Variants in CSMD2 observed in about 807,000 individuals in gnomAD.
CSMD2 encodes the protein CUB and Sushi multiple domains 2, also known as CUB and sushi domain-containing protein 2.
CSMD2 carries 130 observed loss-of-function variants against 398.5 expected under a neutral mutation model. That is an observed-to-expected ratio of 0.33 (90% CI 0.28 to 0.38). The LOEUF is 0.38. Ranked by LOEUF, CSMD2 falls within the 10% of genes least tolerant of loss-of-function variation. The pLI is 1.00. For synonymous variants in CSMD2, 1,828 were observed against 1,908.5 expected, an observed-to-expected ratio of 0.96 and a Z score of 1.10; for missense variants, 3,829 against 4,764.9, an observed-to-expected ratio of 0.80 and a Z score of 5.78.
At chr1:33,912,653 T>C (rs1558092784) in intron 5 of CSMD2, among the ~76,000 whole-genome samples, 2 of 152,076 alleles carry the variant, frequency 1.3e-5, no homozygotes, top group African/African-American at 4.8e-5. Flanking sequence ...AGTTGTCTCC[T>C]GAATGCCTTC....
intron 2 of CSMD2, among the ~76,000 whole-genome samples, chr1:34,084,047 A>G (rs1657572596): frequency 6.6e-6 from 1 of 152,142 alleles, no homozygotes; most frequent in Non-Finnish European, 1.5e-5. Flanking sequence ...TGTGAAATGA[A>G]TTAGAATAAG....
At chr1:33,881,944 T>C (rs746209490) in intron 5 of CSMD2, among the ~76,000 whole-genome samples, 1 of 152,234 alleles carries the variant, frequency 6.6e-6, no homozygotes. Context: ...TGCCAGTTTA[T>C]GGAACCATTA....
intron 1 of CSMD2, among the ~76,000 whole-genome samples, chr1:34,161,720 TAGAGA>T (rs966772134): frequency 2.0e-5 from 3 of 152,092 alleles, no homozygotes; most frequent in African/African-American, 7.2e-5. Flanking sequence ...TGACGGGTAG[TAGAGA>T]AAACTGACAT....
At chr1:33,675,945 G>A (rs917411133) in intron 25 of CSMD2, among the ~76,000 whole-genome samples, 1 of 152,196 alleles carries the variant, frequency 6.6e-6, no homozygotes, top group African/African-American at 2.4e-5. Flanking sequence ...ATTAGGTATT[G>A]ATGGGACGTA....
In CSMD2 at chr1:33,555,789, C is replaced by A. The variant is rs77189543; in HGVS notation, c.8743+1945G>T. Among the ~76,000 whole-genome samples, 858 of 152,268 alleles carry A rather than the reference C, an allele frequency of 5.6e-3. 44 individuals are homozygous for A. The East Asian group carries it at 0.11, about 19-fold the overall frequency. The stretch of plus-strand genomic sequence containing the variant: ...TATTTTTTGACATGATACTACTGCA[C>A]ACTTAGATTATACTGGAAAACTAAA... On this transcript the variant is annotated intron_variant, in intron 55 of 70. Coordinates refer to ENST00000373381, the MANE Select transcript of CSMD2 (RefSeq NM_001281956.2).
chr1:33,534,479 G>A (rs1655572449), intron 62 of CSMD2, among the ~76,000 whole-genome samples: 1 of 152,108 alleles, frequency 6.6e-6, no homozygotes, highest in East Asian at 1.9e-4. Context: ...CTCCCTCCCT[G>A]CTCTGCTCAG....
intron 12 of CSMD2, among the ~76,000 whole-genome samples, chr1:33,778,299 A>C (rs1239316303): frequency 6.6e-6 from 1 of 152,116 alleles, no homozygotes; most frequent in Non-Finnish European, 1.5e-5. Flanking sequence ...GGGCTCGAGC[A>C]ATCCTCCCAT....
chr1:33,987,566 C>T (rs1361968543), intron 3 of CSMD2, among the ~76,000 whole-genome samples: 2 of 152,162 alleles, frequency 1.3e-5, no homozygotes, highest in Admixed American at 1.3e-4. Flanking sequence ...TGTTTAGATA[C>T]CTCCCAGGAG....
In CSMD2 at chr1:33,537,668, G is replaced by T; in HGVS notation, c.9632-59C>A. ...TTGCTTTCCAGAACCCAATCTTCCAGTCCCACACCCCCATCTTTGTTCTTT... is the reference window on the plus strand; with the variant it reads ...TTGCTTTCCAGAACCCAATCTTCCATTCCCACACCCCCATCTTTGTTCTTT... On this transcript the variant is annotated intron_variant, in intron 60 of 70. Coordinates refer to ENST00000373381, the MANE Select transcript of CSMD2 (RefSeq NM_001281956.2). This position sits in a 1 kb window ranked among gnomAD's most constrained non-coding sequence, Gnocchi z 4.6. 1 of 1,512,714 alleles carries T rather than the reference G, an allele frequency of 6.6e-7. No individual in the cohort carries two copies. The highest frequency in any genetic ancestry group is 8.9e-7 in the Non-Finnish European group (1 of 1,117,472). The allele number at this position is 1,512,714 out of a possible 1,614,324, so 93.7% of individuals were successfully genotyped here.
At chr1:33,665,327 T>C (rs576682072) in intron 25 of CSMD2, among the ~76,000 whole-genome samples, 1 of 152,288 alleles carries the variant, frequency 6.6e-6, no homozygotes, top group African/African-American at 2.4e-5. Context: ...ACGTTAATAT[T>C]TTCCTTTAAG....
intron 25 of CSMD2, among the ~76,000 whole-genome samples, chr1:33,677,233 G>T (rs1451338969): frequency 1.3e-5 from 2 of 152,110 alleles, no homozygotes; most frequent in Non-Finnish European, 2.9e-5. Context: ...CTAACATCCA[G>T]AATCTACAGT....
At chr1:33,707,743 A>ACC (rs1350766812) in intron 22 of CSMD2, among the ~76,000 whole-genome samples, 1 of 144,562 alleles carries the variant, frequency 6.9e-6, no homozygotes, top group African/African-American at 2.5e-5. Context: ...ACACACACAC[A>ACC]CCATACACCC....
chr1:33,887,402 CAG>C (rs1641674967), intron 5 of CSMD2, among the ~76,000 whole-genome samples: 1 of 152,180 alleles, frequency 6.6e-6, no homozygotes, highest in Non-Finnish European at 1.5e-5. Context: ...TTTATAATAA[CAG>C]AGAAAATGCT....
At chr1:34,100,618 G>A (rs1365405138) in intron 1 of CSMD2, among the ~76,000 whole-genome samples, 4 of 152,084 alleles carry the variant, frequency 2.6e-5, no homozygotes, top group South Asian at 2.1e-4. Context: ...ACATTATAAC[G>A]TGAGCATTCC....
intron 29 of CSMD2, among the ~76,000 whole-genome samples, chr1:33,637,865 C>G (rs1172678503): frequency 6.6e-6 from 1 of 152,126 alleles, no homozygotes; most frequent in Non-Finnish European, 1.5e-5. Flanking sequence ...GTTCATTCAT[C>G]AGAGATGAAT....
chr1:33,524,969 T>C lies in CSMD2; in HGVS notation c.10309A>G (p.Met3437Val), dbSNP rs1355613616. ...ACTTGGAAGCCAGTCACTCTGAGCA[T>C]GGCTGGCTGCTTCTTCCCCTGGTAT... Reference protein sequence around the residue: ...YEYQGKKQPAMLRVTGFQVAN... With the variant: ...YEYQGKKQPAVLRVTGFQVAN... Residue 3437 changes from methionine to valine, a missense_variant, in exon 66 of 71, where the codon ATG becomes GTG. Met to Val is a conservative substitution (Grantham distance 21). Transcript: ENST00000373381. 2.5e-6 allele frequency: 4 copies of C among 1,614,132 alleles called. No homozygotes were observed. The highest frequency in any genetic ancestry group is 3.4e-6 in the Non-Finnish European group (4 of 1,180,036).
In CSMD2 at chr1:33,837,006, A is replaced by G. The variant is rs547899916; in HGVS notation, c.1033+9878T>C. ...GTTCCTATTCGGCCATCTTGGCTCCACCTCCAGAATATTAGCATTAAGACA... is the reference window on the plus strand; with the variant it reads ...GTTCCTATTCGGCCATCTTGGCTCCGCCTCCAGAATATTAGCATTAAGACA... On this transcript the variant is annotated intron_variant, in intron 6 of 70. Coordinates refer to ENST00000373381, the MANE Select transcript of CSMD2 (RefSeq NM_001281956.2). Among the ~76,000 whole-genome samples, 3 of 152,084 alleles carry G rather than the reference A, an allele frequency of 2.0e-5. No individual in the cohort carries two copies. The South Asian group carries it at 6.2e-4, about 32-fold the overall frequency.
rs141157056 is a variant in CSMD2 at position 33,653,565 on chromosome 1, A to G, written c.4448-1104T>C. Among the ~76,000 whole-genome samples the G allele has an allele frequency of 3.4e-3, 520 of 152,240 alleles. 8 individuals are homozygous for G. The highest frequency in any genetic ancestry group is 0.012 in the African/African-American group (478 of 41,528). ...GTCTACGTGGTCGCCCTCCCCTGAGATGACAGGTCTCTCAAGCAGGTGGGG... is the reference window on the plus strand; with the variant it reads ...GTCTACGTGGTCGCCCTCCCCTGAGGTGACAGGTCTCTCAAGCAGGTGGGG... On this transcript the variant is annotated intron_variant, in intron 27 of 70. Transcript: ENST00000373381.
chr1:34,153,109 T>A (rs1246266318), intron 1 of CSMD2, among the ~76,000 whole-genome samples: 1 of 152,188 alleles, frequency 6.6e-6, no homozygotes, highest in East Asian at 1.9e-4. Flanking sequence ...CTCCACCTCC[T>A]GGGTTCAAGT....
Sources: allele counts gnomAD v4.1 joint callset (sites outside exome capture counted in the v4.1 genomes callset), GRCh38; gene constraint gnomAD v4.1.1; non-coding constraint Gnocchi (gnomAD v3.1); transcripts MANE v1.5; gene names NCBI Gene and HGNC (gene_info 2026-07-23, HGNC 2026-07-21).